NPBWR1: variants seen among roughly 807,000 people sequenced by gnomAD.
The protein encoded by NPBWR1 is neuropeptides B/W receptor type 1.
In NPBWR1, 4 loss-of-function variants were observed where a neutral mutation model predicts 2.8. That is an observed-to-expected ratio of 1.44 (90% CI 0.71 to 3.29). The LOEUF (loss-of-function observed/expected upper bound fraction) is 3.29. NPBWR1 is among the 30% of genes most tolerant of loss of function. NPBWR1 has a pLI of 0.01. For synonymous variants in NPBWR1, 250 were observed against 224.5 expected, an observed-to-expected ratio of 1.11 and a Z score of -1.02; for missense variants, 545 against 462.5, an observed-to-expected ratio of 1.18 and a Z score of -1.64.
rs768942562 is a variant in NPBWR1, at chr8:52,940,105, C to G, written c.198C>G (p.Pro66=). Residue 66 remains proline (P), a synonymous_variant, in exon 2 of 2, where the codon CCC becomes CCG. Transcript: ENST00000674939. ...SAVLYVLLRA[P]RMKTVTNLFI... is the part of the protein sequence containing the mutation. ...TGCTGTACGTGTTGCTGCGGGCGCCCCGCATGAAGACCGTCACCAACCTGT... is the reference window on the plus strand; with the variant it reads ...TGCTGTACGTGTTGCTGCGGGCGCCGCGCATGAAGACCGTCACCAACCTGT... 4.3e-6 allele frequency: 7 copies of G among 1,612,566 alleles called. No individual in the cohort carries two copies. Among genetic ancestry groups the G allele is most frequent in the East Asian group, 2.2e-5 (1 of 44,862 alleles).
chr8:52,939,748 C>A lies in NPBWR1; in HGVS notation c.-160C>A. On this transcript the variant is annotated 5_prime_UTR_variant, in exon 2 of 2. In the 5' UTR this introduces an upstream ATG that the reference lacks. Transcript: ENST00000674939. ...GCGGCGACATTGGGCCGTGGGGTGGCTGGGAACGGTCCCCTCCTCCGGAAA... is the reference window on the plus strand; with the variant it reads ...GCGGCGACATTGGGCCGTGGGGTGGATGGGAACGGTCCCCTCCTCCGGAAA... The A allele has an allele frequency of 1.3e-6, 1 of 768,710 alleles. No individual in the cohort carries two copies. Among genetic ancestry groups the A allele is most frequent in the Non-Finnish European group, 2.0e-6 (1 of 506,822 alleles). 47.6% of individuals were successfully genotyped at this position (768,710 alleles called of 1,614,324 possible).
At position 52,939,378 on chromosome 8, in the gene NPBWR1, A is replaced by G. The variant is rs1283752542; in HGVS notation, c.-198+12A>G. On this transcript the variant is annotated intron_variant, in intron 1 of 1. Transcript: ENST00000674939. ...CCCCAGCCAGCCAGGTAAGGTAAAG[A>G]CTGCTGTTGAGCTTGCTGTTACTGA... 1 of 152,444 alleles carries G rather than the reference A, an allele frequency of 6.6e-6. No individual in the cohort carries two copies. The highest frequency in any genetic ancestry group is 1.5e-5 in the Non-Finnish European group (1 of 68,274). 9.4% of individuals were successfully genotyped at this position (152,444 alleles called of 1,614,324 possible). A position where few individuals can be genotyped will look rare whatever the true frequency, so the allele number is the denominator to read the frequency against.
In NPBWR1 at chr8:52,939,984, C is replaced by G; in HGVS notation, c.77C>G (p.Ala26Gly). Residue 26 changes from alanine to glycine, a missense_variant, in exon 2 of 2, where the codon GCG (alanine) becomes GGG (glycine). By Grantham distance (60) the Ala-to-Gly change is moderately conservative. Transcript: ENST00000674939. ...GACCCGGCGCTGAGCTGCTCCAACG[C>G]GTCGACTCTGGCGCCGCTGCCGGCG... The part of the protein sequence containing the change: ...GPDPALSCSN[A>G]STLAPLPAPL... The G allele has an allele frequency of 6.2e-7, 1 of 1,601,874 alleles. No homozygotes were observed. Among genetic ancestry groups the G allele is most frequent in the Non-Finnish European group, 8.5e-7 (1 of 1,179,102 alleles).
In NPBWR1 at chr8:52,940,717, C is replaced by T. The variant is rs146623388; in HGVS notation, c.810C>T (p.Ser270=). The T allele has an allele frequency of 1.2e-6, 2 of 1,613,484 alleles. No homozygotes were observed. Among genetic ancestry groups the T allele is most frequent in the South Asian group, 2.2e-5 (2 of 91,086 alleles). The change falls in exon 2 of 2, where the codon AGC becomes AGT. Residue 270 remains serine (S), a synonymous_variant. Coordinates refer to ENST00000674939, the MANE Select transcript of NPBWR1 (RefSeq NM_005285.5). The stretch of plus-strand genomic sequence containing the variant: ...TCTGCTGGACGCCCTACCACCTGAG[C>T]ACCGTGGTGGCGCTCACCACCGACC... The part of the protein sequence containing the change: ...CLLCWTPYHL[S]TVVALTTDLP...
In NPBWR1 at chr8:52,941,469, C is replaced by G. The variant is rs1269019951; in HGVS notation, c.*575C>G. ...TTGGCCTGGCGCCGCGGGCGGGGAC[C>G]GCTGCCGAGGCCGCCAGCGCCTCTT... On this transcript the variant is annotated 3_prime_UTR_variant, in exon 2 of 2. Transcript: ENST00000674939. 6.6e-6 allele frequency among the ~76,000 whole-genome samples: 1 copy of G among 152,180 alleles called. No homozygotes were observed. Among genetic ancestry groups the G allele is most frequent in the Non-Finnish European group, 1.5e-5 (1 of 68,034 alleles).
rs1199014341 is a variant in NPBWR1 at position 52,942,023 on chromosome 8, G to A, written c.*1129G>A. 6.6e-6 allele frequency among the ~76,000 whole-genome samples: 1 copy of A among 152,004 alleles called. No individual in the cohort carries two copies. The highest frequency in any genetic ancestry group is 1.9e-4 in the East Asian group (1 of 5,166). On this transcript the variant is annotated 3_prime_UTR_variant, in exon 2 of 2. Transcript: ENST00000674939. ...TGAAAACTTTATAAATAATGTACAT[G>A]TCCTAATCTCACGAGTTGCCATGAA...
chr8:52,940,799 G>A lies in NPBWR1; in HGVS notation c.892G>A (p.Ala298Thr), dbSNP rs537766691. 1.2e-6 allele frequency: 2 copies of A among 1,614,056 alleles called. No individual in the cohort carries two copies. Among genetic ancestry groups the A allele is most frequent in the African/African-American group, 1.3e-5 (1 of 75,054 alleles). ...CTACTTCATCACCAGCCTGAGCTAC[G>A]CCAACAGCTGCCTCAACCCCTTCCT... The part of the protein sequence containing the change: ...ISYFITSLSY[A>T]NSCLNPFLYA... Residue 298 changes from alanine (A) to threonine (T), a missense_variant, in exon 2 of 2, where the codon GCC becomes ACC. By Grantham distance (58) the Ala-to-Thr change is moderately conservative. Coordinates refer to ENST00000674939, the MANE Select transcript of NPBWR1 (RefSeq NM_005285.5).
Position 52,939,845 on chromosome 8 carries a change from C to T in NPBWR1, c.-63C>T, listed in dbSNP as rs145544643. On this transcript the variant is annotated 5_prime_UTR_variant, in exon 2 of 2. Coordinates refer to ENST00000674939, the MANE Select transcript of NPBWR1 (RefSeq NM_005285.5). ...TCCGTGCAGAACCGGGCTTCAGGAC[C>T]GCTGAGCTCCGTAGGGCGTCCTTGG... 15,968 of 1,447,596 alleles carry T rather than the reference C, an allele frequency of 0.011. 116 individuals carry two copies. Among genetic ancestry groups the T allele is most frequent in the Admixed American group, 0.033 (1,210 of 36,800 alleles). The allele number at this position is 1,447,596 out of a possible 1,614,324, so 89.7% of individuals were successfully genotyped here.
chr8:52,943,314 A>G lies in NPBWR1; in HGVS notation c.*2420A>G, dbSNP rs1343925128. Among the ~76,000 whole-genome samples the G allele has an allele frequency of 6.6e-6, 1 of 152,224 alleles. No homozygotes were observed. The highest frequency in any genetic ancestry group is 1.5e-5 in the Non-Finnish European group (1 of 68,038). Reference sequence around the variant, plus strand: ...GGCTTCTGAGTATGCCTGTGGGATTAATCAGGTCTCAGCAGTTGAGTTCCT... The same window carrying G: ...GGCTTCTGAGTATGCCTGTGGGATTGATCAGGTCTCAGCAGTTGAGTTCCT... On this transcript the variant is annotated 3_prime_UTR_variant, in exon 2 of 2. Coordinates refer to ENST00000674939, the MANE Select transcript of NPBWR1 (RefSeq NM_005285.5).
At position 52,940,347 on chromosome 8, in the gene NPBWR1, T is replaced by TGGCC; in HGVS notation, c.446_449dup (p.Thr151ProfsTer211). 1 of 1,609,358 alleles carries TGGCC rather than the reference T, an allele frequency of 6.2e-7. No homozygotes were observed. The highest frequency in any genetic ancestry group is 8.5e-7 in the Non-Finnish European group (1 of 1,179,662). The stretch of plus-strand genomic sequence containing the variant: ...TTGGCCACTGCGGAGTCGCGCCGGG[T>TGGCC]GGCCGGCCGCACCTACAGCGCCGCG... On this transcript the variant is annotated frameshift_variant, in exon 2 of 2. Coordinates refer to ENST00000674939, the MANE Select transcript of NPBWR1 (RefSeq NM_005285.5). LOFTEE classifies it low-confidence loss of function (END_TRUNC).
Position 52,940,049 on chromosome 8 carries a change from T to C in NPBWR1, c.142T>C (p.Cys48Arg). ...VAVPVVYAVICAVGLAGNSAV... is the reference protein window; with the variant it reads ...VAVPVVYAVIRAVGLAGNSAV... ...TGTACCAGTTGTCTACGCGGTGATC[T>C]GCGCCGTGGGTCTGGCGGGCAACTC... Residue 48 changes from cysteine (C) to arginine (R), a missense_variant, in exon 2 of 2, where the codon TGC becomes CGC. Cys to Arg is a radical substitution (Grantham distance 180, BLOSUM62 -3). Coordinates refer to ENST00000674939, the MANE Select transcript of NPBWR1 (RefSeq NM_005285.5). The C allele has an allele frequency of 6.2e-7, 1 of 1,608,352 alleles. No homozygotes were observed. Among genetic ancestry groups the C allele is most frequent in the Non-Finnish European group, 8.5e-7 (1 of 1,179,874 alleles).
rs1802894461 is a variant in NPBWR1 at position 52,942,224 on chromosome 8, G to C, written c.*1330G>C. ...ACCTGGGCTTTATTCCTTACTTGTA[G>C]ACGGCATCCGGTAGGTAGTCCCGGT... On this transcript the variant is annotated 3_prime_UTR_variant, in exon 2 of 2. Coordinates refer to ENST00000674939, the MANE Select transcript of NPBWR1 (RefSeq NM_005285.5). 6.6e-6 allele frequency among the ~76,000 whole-genome samples: 1 copy of C among 152,218 alleles called. No homozygotes were observed. Among genetic ancestry groups the C allele is most frequent in the South Asian group, 2.1e-4 (1 of 4,836 alleles).
In NPBWR1 at chr8:52,941,861, A is replaced by G. The variant is rs1051039825; in HGVS notation, c.*967A>G. On this transcript the variant is annotated 3_prime_UTR_variant, in exon 2 of 2. Transcript: ENST00000674939. Reference sequence around the variant, plus strand: ...GGAGCACTCCGGCTGAGCGCGCTTCACAGCGCTGTGGCACACTGGTCATCG... The same window carrying G: ...GGAGCACTCCGGCTGAGCGCGCTTCGCAGCGCTGTGGCACACTGGTCATCG... Among the ~76,000 whole-genome samples, 5 of 152,190 alleles carry G rather than the reference A, an allele frequency of 3.3e-5. No homozygotes were observed. Among genetic ancestry groups the G allele is most frequent in the African/African-American group, 1.2e-4 (5 of 41,456 alleles).
rs1039150761 is a variant in NPBWR1 at position 52,943,153 on chromosome 8, A to G, written c.*2259A>G. On this transcript the variant is annotated 3_prime_UTR_variant, in exon 2 of 2. Transcript: ENST00000674939. ...CTCAGTAACTGGACTCAGATGGGGG[A>G]CAGCTGAGTGATCCATCTGTCCACT... 1.3e-5 allele frequency among the ~76,000 whole-genome samples: 2 copies of G among 152,120 alleles called. No individual in the cohort carries two copies. The highest frequency in any genetic ancestry group is 1.5e-5 in the Non-Finnish European group (1 of 68,032).
Position 52,940,941 on chromosome 8 carries a change from G to T in NPBWR1, c.*47G>T. 1 of 1,546,754 alleles carries T rather than the reference G, an allele frequency of 6.5e-7. No individual in the cohort carries two copies. The highest frequency in any genetic ancestry group is 8.7e-7 in the Non-Finnish European group (1 of 1,151,486). On this transcript the variant is annotated 3_prime_UTR_variant, in exon 2 of 2. Coordinates refer to ENST00000674939, the MANE Select transcript of NPBWR1 (RefSeq NM_005285.5). ...CAACTGCCCGCCACTCCTGGCCAGCGAGGGAGGAGCCGGCGCCAGAGTGCG... is the reference window on the plus strand; with the variant it reads ...CAACTGCCCGCCACTCCTGGCCAGCTAGGGAGGAGCCGGCGCCAGAGTGCG...
rs1802900178 is a variant in NPBWR1 at position 52,942,631 on chromosome 8, GA to G, written c.*1743del. ...ATAGCTTTTAATAAATATTTGGAAGGAAAAAACTCCCCCTTGGAATGGGGGG... is the reference window on the plus strand; with the variant it reads ...ATAGCTTTTAATAAATATTTGGAAGGAAAAACTCCCCCTTGGAATGGGGGG... On this transcript the variant is annotated 3_prime_UTR_variant, in exon 2 of 2. Transcript: ENST00000674939. 6.6e-6 allele frequency among the ~76,000 whole-genome samples: 1 copy of G among 152,222 alleles called. No homozygotes were observed. The highest frequency in any genetic ancestry group is 1.5e-5 in the Non-Finnish European group (1 of 68,010).
rs947154339 is a variant in NPBWR1 at position 52,941,002 on chromosome 8, C to A, written c.*108C>A. ...GGCCGCCTAGGCCTCCTGGGGAAAC[C>A]GACTCGCGCCCCATACCCGACCTAG... On this transcript the variant is annotated 3_prime_UTR_variant, in exon 2 of 2. Coordinates refer to ENST00000674939, the MANE Select transcript of NPBWR1 (RefSeq NM_005285.5). 3.6e-6 allele frequency: 5 copies of A among 1,390,354 alleles called. No homozygotes were observed. The highest frequency in any genetic ancestry group is 1.5e-5 in the African/African-American group (1 of 68,728). 86.1% of individuals were successfully genotyped at this position (1,390,354 alleles called of 1,614,324 possible).
Position 52,940,073 on chromosome 8 carries a change from T to G in NPBWR1, c.166T>G (p.Ser56Ala), listed in dbSNP as rs1363349502. 1 of 1,610,540 alleles carries G rather than the reference T, an allele frequency of 6.2e-7. No homozygotes were observed. Residue 56 changes from serine to alanine, a missense_variant, in exon 2 of 2, where the codon TCC (serine) becomes GCC (alanine). By Grantham distance (99) the Ser-to-Ala change is moderately conservative. Coordinates refer to ENST00000674939, the MANE Select transcript of NPBWR1 (RefSeq NM_005285.5). Reference sequence around the variant, plus strand: ...CTGCGCCGTGGGTCTGGCGGGCAACTCCGCCGTGCTGTACGTGTTGCTGCG... The same window carrying G: ...CTGCGCCGTGGGTCTGGCGGGCAACGCCGCCGTGCTGTACGTGTTGCTGCG... ...VICAVGLAGN[S>A]AVLYVLLRAP... is the part of the protein sequence containing the mutation.
chr8:52,940,045 G>A lies in NPBWR1; in HGVS notation c.138G>A (p.Val46=). The change falls in exon 2 of 2, where the codon GTG becomes GTA. Residue 46 remains valine (V), a synonymous_variant. Coordinates refer to ENST00000674939, the MANE Select transcript of NPBWR1 (RefSeq NM_005285.5). ...TGGCTGTACCAGTTGTCTACGCGGT[G>A]ATCTGCGCCGTGGGTCTGGCGGGCA... The part of the protein sequence containing the change: ...LAVAVPVVYA[V]ICAVGLAGNS... 3 of 1,608,002 alleles carry A rather than the reference G, an allele frequency of 1.9e-6. No individual in the cohort carries two copies. Among genetic ancestry groups the A allele is most frequent in the African/African-American group, 1.3e-5 (1 of 75,050 alleles).
Sources: allele counts gnomAD v4.1 joint callset (sites outside exome capture counted in the v4.1 genomes callset), GRCh38; gene constraint gnomAD v4.1.1; transcripts MANE v1.5; gene names NCBI Gene and HGNC (gene_info 2026-07-23, HGNC 2026-07-21).